The following PTPRD variants were observed in gnomAD, a reference collection of about 807,000 sequenced individuals.
The protein encoded by PTPRD is receptor-type tyrosine-protein phosphatase delta.
Under a neutral mutation model 214.5 loss-of-function variants are expected in PTPRD, and 34 were observed. The observed-to-expected ratio is 0.16, with a 90% CI of 0.12 to 0.21. The LOEUF is 0.21. Among genes scored for constraint, PTPRD ranks in the 10% least tolerant of loss-of-function variants. PTPRD has a pLI of 1.00. For synonymous variants in PTPRD, 1,128 were observed against 845.7 expected (o/e 1.33, Z -5.79); for missense variants, 2,545 against 2,398.7 (o/e 1.06, Z -1.27).
At chr9:10,566,835 G>C (rs184634555) in intron 2 of PTPRD, among the ~76,000 whole-genome samples, 7 of 152,062 alleles carry the variant, frequency 4.6e-5, no homozygotes, top group Non-Finnish European at 7.4e-5. Context: ...GAACTGATTT[G>C]AATGTGGAAT....
chr9:9,117,953 T>G (rs975425149), intron 10 of PTPRD, among the ~76,000 whole-genome samples: 3 of 152,156 alleles, frequency 2.0e-5, no homozygotes, highest in African/African-American at 7.2e-5. Context: ...GCTGTTTTTT[T>G]GGAAAAATAA....
chr9:9,878,319 A>G (rs2067521785), intron 5 of PTPRD, among the ~76,000 whole-genome samples: 1 of 152,166 alleles, frequency 6.6e-6, no homozygotes, highest in African/African-American at 2.4e-5. Flanking sequence ...GAGAGTTCCA[A>G]GAGCTTACAT....
At chr9:8,695,505 T>C (rs1369405650) in intron 12 of PTPRD, among the ~76,000 whole-genome samples, 1 of 149,810 alleles carries the variant, frequency 6.7e-6, no homozygotes, top group Non-Finnish European at 1.5e-5. Flanking sequence ...CAAACAACAA[T>C]GTCTGTCAAT....
chr9:9,912,250 C>G (rs943602879), intron 5 of PTPRD, among the ~76,000 whole-genome samples: 10 of 152,028 alleles, frequency 6.6e-5, no homozygotes, highest in African/African-American at 2.2e-4. Flanking sequence ...CTCTGGAAAA[C>G]CTGCCACTTC....
chr9:10,258,151 T>A (rs1415819252), intron 3 of PTPRD, among the ~76,000 whole-genome samples: 1 of 152,204 alleles, frequency 6.6e-6, no homozygotes, highest in Admixed American at 6.5e-5. Flanking sequence ...CCAACAGATA[T>A]CCTTTCTCGT....
chr9:8,416,175 G>A (rs964495164), intron 35 of PTPRD, among the ~76,000 whole-genome samples: 8 of 152,100 alleles, frequency 5.3e-5, no homozygotes, highest in Admixed American at 3.3e-4. Context: ...ATGAAAAAGT[G>A]TGAAGCTATT....
intron 5 of PTPRD, among the ~76,000 whole-genome samples, chr9:9,779,085 A>C (rs2098822790): frequency 7.0e-6 from 1 of 143,538 alleles, no homozygotes; most frequent in Non-Finnish European, 1.5e-5. Context: ...TGACAAAAAA[A>C]AAAAAAAAAA....
At chr9:9,884,332 C>T (rs1003457588) in intron 5 of PTPRD, among the ~76,000 whole-genome samples, 3 of 152,026 alleles carry the variant, frequency 2.0e-5, no homozygotes, top group Non-Finnish European at 2.9e-5. Flanking sequence ...TCTTCCTACC[C>T]TAAAAGCAAG....
intron 2 of PTPRD, among the ~76,000 whole-genome samples, chr9:10,538,808 A>C (rs936552444): frequency 2.6e-5 from 4 of 152,170 alleles, no homozygotes; most frequent in Non-Finnish European, 5.9e-5. Context: ...GAGTATACAG[A>C]TCTTATAATT....
At chr9:9,955,587 G>A (rs560589580) in intron 4 of PTPRD, among the ~76,000 whole-genome samples, 3 of 150,482 alleles carry the variant, frequency 2.0e-5, no homozygotes, top group African/African-American at 4.9e-5. Flanking sequence ...ATAGTGGCAC[G>A]ATCTTGGCTA....
rs114061912 is a variant in PTPRD, at chr9:10,122,571, G to A, written c.-544-88781C>T. ...GATATCATGCTGAAATGGAAGTTAT[G>A]TTTGCCTACTGAACGTAAGTATATC... On this transcript the variant is annotated intron_variant, in intron 3 of 45. Coordinates refer to ENST00000381196, the MANE Select transcript of PTPRD (RefSeq NM_002839.4). Among the ~76,000 whole-genome samples the A allele has an allele frequency of 7.9e-3, 1,196 of 152,160 alleles. 25 individuals are homozygous for A. Among genetic ancestry groups the A allele is most frequent in the African/African-American group, 0.027 (1,138 of 41,508 alleles).
chr9:10,502,425 G>C (rs1318838847), intron 2 of PTPRD, among the ~76,000 whole-genome samples: 1 of 151,882 alleles, frequency 6.6e-6, no homozygotes, highest in Non-Finnish European at 1.5e-5. Flanking sequence ...AATTAATTTA[G>C]CTATTTGCAA....
intron 3 of PTPRD, among the ~76,000 whole-genome samples, chr9:10,076,176 G>T (rs1482474580): frequency 6.6e-6 from 1 of 152,020 alleles, no homozygotes; most frequent in Non-Finnish European, 1.5e-5. Context: ...GCAGGTTTGA[G>T]GGTCTACGTC....
chr9:10,305,084 C>G lies in PTPRD; in HGVS notation c.-545+35879G>C, dbSNP rs150945688. On this transcript the variant is annotated intron_variant, in intron 3 of 45. Transcript: ENST00000381196. ...ATACACCCATGGAACAGAACAGAGA[C>G]TTCAGAAATAACACCACACATCTAC... Among the ~76,000 whole-genome samples, 1,299 of 152,128 alleles carry G rather than the reference C, an allele frequency of 8.5e-3. 41 individuals are homozygous for G. Among genetic ancestry groups the G allele is most frequent in the East Asian group, 0.064 (329 of 5,168 alleles).
chr9:9,397,148 C>A (rs1419933977), intron 9 of PTPRD, among the ~76,000 whole-genome samples: 1 of 151,908 alleles, frequency 6.6e-6, no homozygotes, highest in South Asian at 2.1e-4. Context: ...TTTCTTGTAA[C>A]TACTAAAAGA....
chr9:9,244,477 A>G (rs1316058295), intron 9 of PTPRD, among the ~76,000 whole-genome samples: 1 of 152,170 alleles, frequency 6.6e-6, no homozygotes, highest in African/African-American at 2.4e-5. Context: ...CTCAGAAATA[A>G]TGCCACACAT....
chr9:9,945,067 G>A (rs1314608387), intron 4 of PTPRD, among the ~76,000 whole-genome samples: 1 of 152,134 alleles, frequency 6.6e-6, no homozygotes, highest in East Asian at 1.9e-4. Flanking sequence ...ATTTGATGTG[G>A]TATGTTAAAA....
chr9:8,708,165 A>G (rs1226864187), intron 12 of PTPRD, among the ~76,000 whole-genome samples: 4 of 152,186 alleles, frequency 2.6e-5, no homozygotes, highest in African/African-American at 9.6e-5. Context: ...CCAACCAGTT[A>G]TTGAGAGTAT....
chr9:9,387,757 T>A (rs1278826608), intron 9 of PTPRD, among the ~76,000 whole-genome samples: 1 of 152,092 alleles, frequency 6.6e-6, no homozygotes, highest in African/African-American at 2.4e-5. Flanking sequence ...CTTCTTCAGC[T>A]CCCCACTGCT....
Sources: gnomAD v4.1 joint callset for allele counts (sites outside exome capture counted in the v4.1 genomes callset) on GRCh38, gnomAD v4.1.1 for gene constraint, MANE v1.5 for transcripts, NCBI Gene and HGNC (gene_info 2026-07-23, HGNC 2026-07-21) for gene names.